The following SMAD6 variants were observed in gnomAD, a reference collection of about 807,000 sequenced individuals.
The protein encoded by SMAD6 is SMAD family member 6, also known as MAD homolog 6.
A neutral mutation model predicts 39.4 loss-of-function variants in SMAD6; 103 were observed. That is an observed-to-expected ratio of 2.62 (90% CI 2.23 to 3.08). SMAD6 has a LOEUF of 3.08. Among genes scored for constraint, SMAD6 ranks in the 30% most tolerant of loss-of-function variants. The pLI, the probability that SMAD6 is intolerant of heterozygous loss-of-function variation, is 0.00. For missense variants in SMAD6, 1,104 were observed against 742.9 expected (o/e 1.49, Z -5.65); for synonymous variants, 445 against 353.3 (o/e 1.26, Z -2.91).
chr15:66,750,868 A>G (rs1213005340), intron 3 of SMAD6, among the ~76,000 whole-genome samples: 6 of 152,166 alleles, frequency 3.9e-5, no homozygotes, highest in Non-Finnish European at 8.8e-5. Flanking sequence ...ACTCAGGCAG[A>G]GCAAGCCCCT....
intron 3 of SMAD6, among the ~76,000 whole-genome samples, chr15:66,771,492 G>T (rs4454916): frequency 0.16 from 24,969 of 152,110 alleles, 3,141 homozygotes; most frequent in African/African-American, 0.35. Flanking sequence ...GAGAAAAGCC[G>T]GCAGAAAACC....
At position 66,781,626 on chromosome 15, in the gene SMAD6, C is replaced by T; in HGVS notation, c.*91C>T. ...GGCCGATGCCCAGAGACACAGCCCC[C>T]ACGGACAAAACCCCCCAGATATCAT... On this transcript the variant is annotated 3_prime_UTR_variant, in exon 4 of 4. Transcript: ENST00000288840. 2.2e-6 allele frequency: 2 copies of T among 909,598 alleles called. No homozygotes were observed. The allele number at this position is 909,598 out of a possible 1,614,324, so 56.3% of individuals were successfully genotyped here.
chr15:66,723,479 C>A (rs761818977), intron 3 of SMAD6, among the ~76,000 whole-genome samples: 39 of 152,140 alleles, frequency 2.6e-4, no homozygotes, highest in Non-Finnish European at 5.0e-4. Context: ...GAGTTTGAGA[C>A]CAGCCGGGGG....
intron 3 of SMAD6, among the ~76,000 whole-genome samples, chr15:66,724,846 C>A (rs1455461187): frequency 6.6e-6 from 1 of 151,996 alleles, no homozygotes; most frequent in African/African-American, 2.4e-5. Context: ...GGCAGGGTGT[C>A]GGGTGCCTGT....
chr15:66,781,962 A>C lies in SMAD6; in HGVS notation c.*427A>C. Reference sequence around the variant, plus strand: ...CCCAGACAAAAAGCTAATACCAGTCACTCGATAATAAAGTATTCGCATTAT... The same window carrying C: ...CCCAGACAAAAAGCTAATACCAGTCCCTCGATAATAAAGTATTCGCATTAT... On this transcript the variant is annotated 3_prime_UTR_variant, in exon 4 of 4. Coordinates refer to ENST00000288840, the MANE Select transcript of SMAD6 (RefSeq NM_005585.5). 5.0e-6 allele frequency: 2 copies of C among 398,870 alleles called. No individual in the cohort carries two copies. Among genetic ancestry groups the C allele is most frequent in the Non-Finnish European group, 8.8e-6 (2 of 226,046 alleles). The allele number at this position is 398,870 out of a possible 1,614,324, so 24.7% of individuals were successfully genotyped here.
In SMAD6 at chr15:66,703,763, G is replaced by T; in HGVS notation, c.505G>T (p.Glu169Ter). The T allele has an allele frequency of 7.1e-7, 1 of 1,416,468 alleles. No homozygotes were observed. Among genetic ancestry groups the T allele is most frequent in the South Asian group, 1.4e-5 (1 of 69,506 alleles). The allele number at this position is 1,416,468 out of a possible 1,614,324, so 87.7% of individuals were successfully genotyped here. A position where few individuals can be genotyped will look rare whatever the true frequency, so the allele number is the denominator to read the frequency against. Residue 169 changes from glutamate (E) to a stop codon, truncating the protein, a stop_gained, in exon 1 of 4, where the codon GAG becomes TAG. Coordinates refer to ENST00000288840, the MANE Select transcript of SMAD6 (RefSeq NM_005585.5). LOFTEE classifies it high-confidence loss of function. Reference sequence around the variant, plus strand: ...AGCGCGCTCGCGGCTGCTGCTGCTGGAGCAGGAACTCAAAACCGTCACGTA... The same window carrying T: ...AGCGCGCTCGCGGCTGCTGCTGCTGTAGCAGGAACTCAAAACCGTCACGTA... Reference protein sequence around the residue: ...REARSRLLLLEQELKTVTYSL... With the variant: ...REARSRLLLL
intron 2 of SMAD6, among the ~76,000 whole-genome samples, chr15:66,715,296 A>AAG (rs1893306911): frequency 6.6e-6 from 1 of 151,960 alleles, no homozygotes; most frequent in Non-Finnish European, 1.5e-5. Context: ...GAGGAAAAAA[A>AAG]AAAAAAAGGC....
Position 66,704,000 on chromosome 15 carries a change from C to T in SMAD6, c.742C>T (p.His248Tyr), listed in dbSNP as rs1453898394. ...AVELKPLCGC[H>Y]SFAAAADGPT... ...GGAGCTGAAGCCCCTGTGCGGCTGC[C>T]ACAGCTTCGCCGCCGCCGCCGACGG... The change falls in exon 1 of 4, where the codon CAC (histidine) becomes TAC (tyrosine). Residue 248 changes from histidine (H) to tyrosine (Y), a missense_variant. His to Tyr is a moderately conservative substitution (Grantham distance 83, BLOSUM62 2). Coordinates refer to ENST00000288840, the MANE Select transcript of SMAD6 (RefSeq NM_005585.5). 1.3e-6 allele frequency: 2 copies of T among 1,492,396 alleles called. No homozygotes were observed. The highest frequency in any genetic ancestry group is 1.8e-6 in the Non-Finnish European group (2 of 1,129,386). The allele number at this position is 1,492,396 out of a possible 1,614,324, so 92.4% of individuals were successfully genotyped here. A position where few individuals can be genotyped will look rare whatever the true frequency, so the allele number is the denominator to read the frequency against.
chr15:66,779,710 T>C (rs577362112), intron 3 of SMAD6, among the ~76,000 whole-genome samples: 1 of 152,248 alleles, frequency 6.6e-6, no homozygotes, highest in South Asian at 2.1e-4. Context: ...GGTTGGACTT[T>C]GATCAGTTTT....
chr15:66,706,185 A>T (rs1893106645), intron 1 of SMAD6: 1 of 152,258 alleles, frequency 6.6e-6, no homozygotes, highest in Non-Finnish European at 1.5e-5. Context: ...CTGCCCAGCT[A>T]GTAACGTGCA....
rs117628435 is a variant in SMAD6 at position 66,777,655 on chromosome 15, C to G, written c.953-3342C>G. Among the ~76,000 whole-genome samples the G allele has an allele frequency of 8.0e-3, 1,219 of 152,290 alleles. 96 individuals are homozygous for G. In the East Asian group the frequency reaches 0.17, roughly 21 times the overall value. Reference sequence around the variant, plus strand: ...GAGAGTGTAGACCAACTGGGGGGCACTGACCAGGAGCGCAGACACCTGTTA... The same window carrying G: ...GAGAGTGTAGACCAACTGGGGGGCAGTGACCAGGAGCGCAGACACCTGTTA... On this transcript the variant is annotated intron_variant, in intron 3 of 3. Transcript: ENST00000288840.
In SMAD6 at chr15:66,703,649, G is replaced by T; in HGVS notation, c.391G>T (p.Glu131Ter). The T allele has an allele frequency of 1.6e-6, 2 of 1,232,856 alleles. No individual in the cohort carries two copies. The highest frequency in any genetic ancestry group is 2.0e-6 in the Non-Finnish European group (2 of 986,998). 76.4% of individuals were successfully genotyped at this position (1,232,856 alleles called of 1,614,324 possible). A position where few individuals can be genotyped will look rare whatever the true frequency, so the allele number is the denominator to read the frequency against. The change falls in exon 1 of 4, where the codon GAG becomes TAG. Residue 131 changes from glutamate to a stop codon, truncating the protein, a stop_gained. Coordinates refer to ENST00000288840, the MANE Select transcript of SMAD6 (RefSeq NM_005585.5). LOFTEE classifies it high-confidence loss of function. ...CETVTCCLFS[E>*]RDAAGAPRDA... Reference sequence around the variant, plus strand: ...GACGGTGACCTGCTGTCTCTTTTCGGAGCGGGACGCCGCCGGCGCGCCCCG... The same window carrying T: ...GACGGTGACCTGCTGTCTCTTTTCGTAGCGGGACGCCGCCGGCGCGCCCCG...
chr15:66,746,533 C>T (rs906242842), intron 3 of SMAD6, among the ~76,000 whole-genome samples: 1 of 152,088 alleles, frequency 6.6e-6, no homozygotes, highest in Admixed American at 6.6e-5. Flanking sequence ...TGGTGTTGGC[C>T]GTGGAGGCTG....
chr15:66,715,703 T>C lies in SMAD6; in HGVS notation c.875-718T>C, dbSNP rs1424391331. On this transcript the variant is annotated intron_variant, in intron 2 of 3. Coordinates refer to ENST00000288840, the MANE Select transcript of SMAD6 (RefSeq NM_005585.5). ...TGTGCAAAAGAATTTCTCTTTCTCATCTAACTGCTCGGCAGACAGAAGAAA... is the reference window on the plus strand; with the variant it reads ...TGTGCAAAAGAATTTCTCTTTCTCACCTAACTGCTCGGCAGACAGAAGAAA... Among the ~76,000 whole-genome samples the C allele has an allele frequency of 2.7e-5, 4 of 150,734 alleles. No individual in the cohort carries two copies. The South Asian group carries it at 8.3e-4, about 31-fold the overall frequency.
At chr15:66,733,367 T>C (rs1893663016) in intron 3 of SMAD6, among the ~76,000 whole-genome samples, 1 of 152,264 alleles carries the variant, frequency 6.6e-6, no homozygotes, top group Non-Finnish European at 1.5e-5. Flanking sequence ...GCATTGAATC[T>C]GTTGATGAAT....
At chr15:66,754,922 A>C (rs1290503579) in intron 3 of SMAD6, among the ~76,000 whole-genome samples, 2 of 152,142 alleles carry the variant, frequency 1.3e-5, no homozygotes, top group Non-Finnish European at 2.9e-5. Context: ...CACCAAGCAG[A>C]TAAGATTCCA....
chr15:66,773,324 G>T (rs971780423), intron 3 of SMAD6, among the ~76,000 whole-genome samples: 1 of 152,126 alleles, frequency 6.6e-6, no homozygotes, highest in African/African-American at 2.4e-5. Flanking sequence ...CCATTAACAT[G>T]GCCCTGTACA....
At chr15:66,767,959 C>CTT (rs71142337) in intron 3 of SMAD6, among the ~76,000 whole-genome samples, 8,319 of 60,440 alleles carry the variant, frequency 0.14, 1,952 homozygotes, top group Non-Finnish European at 0.18. Context: ...CAAGCTGCAT[C>CTT]TTTTTTTTTT....
intron 3 of SMAD6, among the ~76,000 whole-genome samples, chr15:66,745,617 G>C (rs1893893864): frequency 6.6e-6 from 1 of 152,180 alleles, no homozygotes; most frequent in South Asian, 2.1e-4. Flanking sequence ...CTATTTTGTT[G>C]ATGAGGACAC....
Sources: gnomAD v4.1 joint callset for allele counts (sites outside exome capture counted in the v4.1 genomes callset) on GRCh38, gnomAD v4.1.1 for gene constraint, MANE v1.5 for transcripts, NCBI Gene and HGNC (gene_info 2026-07-23, HGNC 2026-07-21) for gene names.